PLXDC2: variants seen among roughly 807,000 people sequenced by gnomAD.
The protein encoded by PLXDC2 is plexin domain-containing protein 2.
In PLXDC2, 40 loss-of-function variants were observed where a neutral mutation model predicts 68.9. The ratio of observed to expected loss-of-function variants is 0.58; its 90% confidence interval spans 0.45 to 0.76. The LOEUF (loss-of-function observed/expected upper bound fraction) is 0.76. Among genes scored for constraint, PLXDC2 ranks in the 30% least tolerant of loss-of-function variants. The pLI is 0.00. For missense variants in PLXDC2, 644 were observed against 661.9 expected (o/e 0.97, Z 0.30); for synonymous variants, 243 against 234.2 (o/e 1.04, Z -0.34).
At chr10:20,044,583 T>C (rs556841060) in intron 2 of PLXDC2, among the ~76,000 whole-genome samples, 1 of 152,164 alleles carries the variant, frequency 6.6e-6, no homozygotes, top group East Asian at 1.9e-4. Flanking sequence ...GTGTTGTGAT[T>C]ACAGGCATGA....
intron 4 of PLXDC2, among the ~76,000 whole-genome samples, chr10:20,069,079 A>C (rs1398189382): frequency 6.6e-6 from 1 of 152,204 alleles, no homozygotes. Context: ...TGCCCAAAGC[A>C]CCATAGACAG....
chr10:20,129,319 T>C (rs758515706), intron 4 of PLXDC2, among the ~76,000 whole-genome samples: 2 of 152,146 alleles, frequency 1.3e-5, no homozygotes, highest in Non-Finnish European at 2.9e-5. Context: ...ATTGTTTAAT[T>C]GGGTTGCTTT....
At chr10:19,891,752 A>C (rs1449926715) in intron 1 of PLXDC2, among the ~76,000 whole-genome samples, 1 of 152,214 alleles carries the variant, frequency 6.6e-6, no homozygotes, top group Non-Finnish European at 1.5e-5. Flanking sequence ...AGCTGTTATA[A>C]CTTAGTTTTT....
chr10:20,214,537 T>C (rs937657605), intron 10 of PLXDC2, among the ~76,000 whole-genome samples: 4 of 152,180 alleles, frequency 2.6e-5, no homozygotes, highest in African/African-American at 9.6e-5. Context: ...TTAACTTCCC[T>C]TAATGTATAC....
At chr10:20,120,842 G>A (rs1833687308) in intron 4 of PLXDC2, among the ~76,000 whole-genome samples, 1 of 152,180 alleles carries the variant, frequency 6.6e-6, no homozygotes, top group Non-Finnish European at 1.5e-5. Context: ...GTTCTAAGAG[G>A]CGGGCTAGTG....
intron 9 of PLXDC2, 86 bp downstream of exon 9, chr10:20,177,495 C>A: frequency 1.7e-6 from 1 of 582,208 alleles, no homozygotes. Context: ...TGGACAGGTG[C>A]AGTGGCTCAC....
rs1401949742 is a variant in PLXDC2 at position 19,850,439 on chromosome 10, C to T, written c.112+33248C>T. Among the ~76,000 whole-genome samples the T allele has an allele frequency of 7.9e-5, 12 of 152,020 alleles. No homozygotes were observed. In the South Asian group the frequency reaches 1.5e-3, roughly 18 times the overall value. Reference sequence around the variant, plus strand: ...AGAAGTTAGCTGAGTTGTTTATAGACGATGTTCTTAAAACTTTTGAACCTG... The same window carrying T: ...AGAAGTTAGCTGAGTTGTTTATAGATGATGTTCTTAAAACTTTTGAACCTG... On this transcript the variant is annotated intron_variant, in intron 1 of 13. Coordinates refer to ENST00000377252, the MANE Select transcript of PLXDC2 (RefSeq NM_032812.9).
chr10:20,072,068 C>T (rs566201412), intron 4 of PLXDC2, among the ~76,000 whole-genome samples: 8 of 152,060 alleles, frequency 5.3e-5, no homozygotes, highest in Admixed American at 1.3e-4. Context: ...GAAATCTTGC[C>T]GGTCATGGTG....
chr10:19,887,950 A>G (rs547110905), intron 1 of PLXDC2, among the ~76,000 whole-genome samples: 20 of 152,348 alleles, frequency 1.3e-4, no homozygotes, highest in African/African-American at 4.6e-4. Context: ...ACAACTTTGA[A>G]TTACTTCTGC....
intron 2 of PLXDC2, among the ~76,000 whole-genome samples, chr10:20,042,858 C>T (rs751609389): frequency 1.3e-4 from 20 of 152,250 alleles, no homozygotes; most frequent in South Asian, 8.3e-4. Context: ...CATGCATTTT[C>T]GAGAAACATG....
At chr10:19,832,340 A>G (rs569318426) in intron 1 of PLXDC2, among the ~76,000 whole-genome samples, 3 of 152,330 alleles carry the variant, frequency 2.0e-5, no homozygotes, top group African/African-American at 4.8e-5. Context: ...CATTTACTCA[A>G]TAACTCATCA....
At chr10:19,919,640 T>G (rs1040654052) in intron 1 of PLXDC2, among the ~76,000 whole-genome samples, 2 of 152,228 alleles carry the variant, frequency 1.3e-5, no homozygotes, top group Non-Finnish European at 2.9e-5. Flanking sequence ...TATTATATAA[T>G]ACATTTTCTT....
intron 13 of PLXDC2, among the ~76,000 whole-genome samples, chr10:20,254,032 G>T (rs534487791): frequency 6.6e-6 from 1 of 152,242 alleles, no homozygotes; most frequent in South Asian, 2.1e-4. Context: ...AATTTGTTTG[G>T]ATCCTATGGC....
intron 1 of PLXDC2, among the ~76,000 whole-genome samples, chr10:19,925,683 G>C (rs1833528644): frequency 1.3e-5 from 2 of 152,200 alleles, no homozygotes; most frequent in Admixed American, 1.3e-4. Flanking sequence ...CAGACTTTGA[G>C]TAAGGGACTG....
intron 1 of PLXDC2, among the ~76,000 whole-genome samples, chr10:19,922,109 G>C (rs138580024): frequency 2.0e-5 from 3 of 151,994 alleles, no homozygotes; most frequent in Non-Finnish European, 4.4e-5. Context: ...TCTGCCTGCC[G>C]CAGCCTCCCA....
intron 1 of PLXDC2, among the ~76,000 whole-genome samples, chr10:19,887,205 AG>A (rs1837863199): frequency 6.6e-6 from 1 of 152,190 alleles, no homozygotes; most frequent in Non-Finnish European, 1.5e-5. Context: ...AAAACATAAT[AG>A]TAGAGAAGCT....
intron 9 of PLXDC2, among the ~76,000 whole-genome samples, chr10:20,183,990 T>C (rs1834644779): frequency 6.6e-6 from 1 of 151,838 alleles, no homozygotes; most frequent in South Asian, 2.1e-4. Context: ...GGTAAAAACA[T>C]ATAAATAAAA....
At chr10:20,237,383 G>C (rs1423239872) in intron 12 of PLXDC2, among the ~76,000 whole-genome samples, 1 of 151,926 alleles carries the variant, frequency 6.6e-6, no homozygotes, top group African/African-American at 2.4e-5. Flanking sequence ...GAAAATGAAA[G>C]AACTAAGAGG....
chr10:19,852,970 T>C (rs1263318011), intron 1 of PLXDC2, among the ~76,000 whole-genome samples: 2 of 152,218 alleles, frequency 1.3e-5, no homozygotes, highest in East Asian at 3.8e-4. Context: ...GTGAAAATAC[T>C]TTTTACTAAT....
Sources: gnomAD v4.1 joint callset for allele counts (sites outside exome capture counted in the v4.1 genomes callset) on GRCh38, gnomAD v4.1.1 for gene constraint, MANE v1.5 for transcripts, NCBI Gene and HGNC (gene_info 2026-07-23, HGNC 2026-07-21) for gene names.